Variants in NRXN3 observed in about 807,000 individuals in gnomAD.
The protein encoded by NRXN3 is neurexin 3, also known as neurexin III.
A neutral mutation model predicts 137.6 loss-of-function variants in NRXN3; 32 were observed. That is an observed-to-expected ratio of 0.23 (90% CI 0.18 to 0.31). The LOEUF is 0.31. NRXN3 is among the 10% of genes least tolerant of loss of function. The probability of loss-of-function intolerance (pLI) is 1.00; values close to 1 mark genes in which losing one functional copy is unlikely to be tolerated. For synonymous variants in NRXN3, 798 were observed against 784.5 expected, an observed-to-expected ratio of 1.02 and a Z score of -0.29; for missense variants, 1,574 against 2,062.5, an observed-to-expected ratio of 0.76 and a Z score of 4.59.
rs566761977 is a variant in NRXN3, at chr14:78,500,234, A to G, written c.758-144886A>G. On this transcript the variant is annotated intron_variant, in intron 4 of 20. Transcript: ENST00000335750. ...GAATTCTGGAAATTTTAAGTTTTCT[A>G]GAAATGTATAGTTTTGCTTTACTTT... Among the ~76,000 whole-genome samples, 14 of 152,314 alleles carry G rather than the reference A, an allele frequency of 9.2e-5. No homozygotes were observed. The East Asian group carries it at 2.1e-3, about 23-fold the overall frequency.
chr14:78,187,270 T>G lies in NRXN3; in HGVS notation c.-704+16596T>G, dbSNP rs1450362658. ...TGTTTTGGTGGTGTGTGTGTGTTTT[T>G]TTTTTTTTTTCCTCAAAGCTTGCAA... is the stretch of plus-strand genomic sequence containing the variant. On this transcript the variant is annotated intron_variant, in intron 1 of 20. Transcript: ENST00000335750. Among the ~76,000 whole-genome samples, 68 of 151,750 alleles carry G rather than the reference T, an allele frequency of 4.5e-4. No homozygotes were observed. The South Asian group carries it at 9.8e-3, about 22-fold the overall frequency.
chr14:78,345,173 G>A (rs961713076), intron 4 of NRXN3, among the ~76,000 whole-genome samples: 5 of 152,130 alleles, frequency 3.3e-5, no homozygotes, highest in African/African-American at 1.2e-4. Flanking sequence ...GGGGGCAGCT[G>A]TTATATTTGC....
At chr14:79,518,406 T>C (rs1049796510) in intron 16 of NRXN3, among the ~76,000 whole-genome samples, 1 of 152,130 alleles carries the variant, frequency 6.6e-6, no homozygotes, top group African/African-American at 2.4e-5. Flanking sequence ...TTTTATTTTA[T>C]ATAATTTCAT....
chr14:78,921,465 G>A (rs1485281364), intron 10 of NRXN3, among the ~76,000 whole-genome samples: 1 of 152,214 alleles, frequency 6.6e-6, no homozygotes, highest in East Asian at 1.9e-4. Context: ...AGTAAACTGG[G>A]AGGAGGAAGG....
At chr14:78,179,104 G>T (rs928940668) in intron 1 of NRXN3, among the ~76,000 whole-genome samples, 2 of 152,090 alleles carry the variant, frequency 1.3e-5, no homozygotes, top group Admixed American at 6.5e-5. Context: ...GGTGGAGGCG[G>T]GATGTTCAGA....
chr14:79,694,966 C>G (rs985080321), intron 18 of NRXN3, among the ~76,000 whole-genome samples: 1 of 151,976 alleles, frequency 6.6e-6, no homozygotes, highest in Non-Finnish European at 1.5e-5. Flanking sequence ...ACATAGACAA[C>G]CCCCTTTACT....
chr14:79,373,949 C>G (rs2094186660), intron 15 of NRXN3, among the ~76,000 whole-genome samples: 1 of 152,018 alleles, frequency 6.6e-6, no homozygotes, highest in Admixed American at 6.6e-5. Flanking sequence ...CGTCATGTTT[C>G]AGAGCTCTGG....
Position 78,612,063 on chromosome 14 carries a change from C to A in NRXN3, c.758-33057C>A, listed in dbSNP as rs1207682487. Among the ~76,000 whole-genome samples, 12 of 152,296 alleles carry A rather than the reference C, an allele frequency of 7.9e-5. No homozygotes were observed. The South Asian group carries it at 1.9e-3, about 24-fold the overall frequency. On this transcript the variant is annotated intron_variant, in intron 4 of 20. Transcript: ENST00000335750. ...AAAGTGGGGGCATTTTGGTGGCCAA[C>A]AGCTTTCTGTTTTGCAAAAGACCGT...
chr14:78,336,320 G>A (rs75582219), intron 4 of NRXN3, among the ~76,000 whole-genome samples: 13 of 152,194 alleles, frequency 8.5e-5, no homozygotes, highest in East Asian at 5.8e-4. Flanking sequence ...TTTCTTATGC[G>A]TCCTTGGTCC....
intron 19 of NRXN3, among the ~76,000 whole-genome samples, chr14:79,752,303 G>C (rs949121460): frequency 3.3e-5 from 5 of 151,846 alleles, no homozygotes; most frequent in Middle Eastern, 3.4e-3. Flanking sequence ...AGTCTGTTTT[G>C]GTTACTGCAG....
At chr14:78,633,095 T>TA (rs142980940) in intron 4 of NRXN3, among the ~76,000 whole-genome samples, 26,849 of 147,568 alleles carry the variant, frequency 0.18, 2,659 homozygotes, top group South Asian at 0.24. Context: ...AATAAAAAAT[T>TA]AAAAAAAAAA....
At chr14:78,225,974 G>GTGTTGGGGTGTGTGT (rs1394081828) in intron 1 of NRXN3, among the ~76,000 whole-genome samples, 4 of 123,632 alleles carry the variant, frequency 3.2e-5, no homozygotes, top group African/African-American at 1.2e-4. Context: ...TGTGTGTGTT[G>GTGTTGGGGTGTGTGT]GTGTGTGTGT....
chr14:78,638,046 T>C (rs2097581857), intron 4 of NRXN3, among the ~76,000 whole-genome samples: 1 of 152,244 alleles, frequency 6.6e-6, no homozygotes, highest in South Asian at 2.1e-4. Flanking sequence ...GCCATTCTTC[T>C]GTGGACGGAG....
chr14:79,042,484 C>CGGATTTG lies in NRXN3; in HGVS notation c.3262+54344_3262+54350dup, dbSNP rs1474860573. On this transcript the variant is annotated intron_variant, in intron 15 of 20. Transcript: ENST00000335750. Reference sequence around the variant, plus strand: ...TTGCATGGCTTGCTGATGATGGATCCGGATTTGAATTCCATTTTGTCTGAC... The same window carrying CGGATTTG: ...TTGCATGGCTTGCTGATGATGGATCCGGATTTGGGATTTGAATTCCATTTTGTCTGAC... Among the ~76,000 whole-genome samples, 7 of 152,254 alleles carry CGGATTTG rather than the reference C, an allele frequency of 4.6e-5. 1 individual carries two copies. The highest frequency in any genetic ancestry group is 1.7e-4 in the African/African-American group (7 of 41,544).
intron 15 of NRXN3, among the ~76,000 whole-genome samples, chr14:79,180,214 A>C (rs531809670): frequency 1.3e-5 from 2 of 152,322 alleles, no homozygotes; most frequent in Non-Finnish European, 2.9e-5. Context: ...ATGTAGCGCC[A>C]AGGTAGCCGT....
intron 15 of NRXN3, among the ~76,000 whole-genome samples, chr14:79,408,959 C>G (rs2095364308): frequency 2.0e-5 from 3 of 152,108 alleles, no homozygotes; most frequent in Non-Finnish European, 4.4e-5. Context: ...AAAAGCACTC[C>G]TACTGGCCAT....
At chr14:79,070,307 C>T (rs961759030) in intron 15 of NRXN3, among the ~76,000 whole-genome samples, 2 of 152,148 alleles carry the variant, frequency 1.3e-5, no homozygotes, top group Admixed American at 6.5e-5. Context: ...AGTTTCTCTC[C>T]ATTCCCCCAA....
chr14:79,363,399 A>C (rs1278483070), intron 15 of NRXN3, among the ~76,000 whole-genome samples: 1 of 152,202 alleles, frequency 6.6e-6, no homozygotes, highest in African/African-American at 2.4e-5. Context: ...TTCAACATTA[A>C]AATGTCTCCA....
chr14:79,283,886 T>G (rs951118382), intron 15 of NRXN3, among the ~76,000 whole-genome samples: 1 of 152,170 alleles, frequency 6.6e-6, no homozygotes, highest in Admixed American at 6.5e-5. Flanking sequence ...ATATATATGC[T>G]TCCATATTTT....
Sources: allele counts gnomAD v4.1 joint callset (sites outside exome capture counted in the v4.1 genomes callset), GRCh38; gene constraint gnomAD v4.1.1; transcripts MANE v1.5; gene names NCBI Gene and HGNC (gene_info 2026-07-23, HGNC 2026-07-21).